The following DLC1 variants were observed in gnomAD, a reference collection of about 807,000 sequenced individuals.
DLC1 encodes DLC1 Rho GTPase activating protein.
A neutral mutation model predicts 140.3 loss-of-function variants in DLC1; 54 were observed. That is an observed-to-expected ratio of 0.38 (90% CI 0.31 to 0.48). The LOEUF (loss-of-function observed/expected upper bound fraction) is 0.48. DLC1 is among the 20% of genes least tolerant of loss of function. The probability of loss-of-function intolerance (pLI) is 0.96; values close to 1 mark genes in which losing one functional copy is unlikely to be tolerated. For missense variants in DLC1, 2,536 were observed against 1,907.0 expected (o/e 1.33, Z -6.14); for synonymous variants, 986 against 728.1 (o/e 1.35, Z -5.70).
At chr8:13,462,985 T>C (rs1799741967) in intron 2 of DLC1, among the ~76,000 whole-genome samples, 1 of 152,160 alleles carries the variant, frequency 6.6e-6, no homozygotes, top group Non-Finnish European at 1.5e-5. Flanking sequence ...GTAACTGGCC[T>C]TAAAACTTTG....
intron 2 of DLC1, among the ~76,000 whole-genome samples, chr8:13,471,325 A>G (rs917776236): frequency 6.6e-6 from 1 of 152,062 alleles, no homozygotes; most frequent in African/African-American, 2.4e-5. Context: ...AAAAAAAGAG[A>G]AAATGGTAAC....
intron 1 of DLC1, among the ~76,000 whole-genome samples, chr8:13,598,149 A>G (rs1805743628): frequency 6.6e-6 from 1 of 152,166 alleles, no homozygotes; most frequent in Admixed American, 6.6e-5. Context: ...AAACAATTAA[A>G]ATTATTAAAA....
At chr8:13,490,217 C>T (rs143522456) in intron 2 of DLC1, among the ~76,000 whole-genome samples, 67 of 152,084 alleles carry the variant, frequency 4.4e-4, no homozygotes, top group African/African-American at 1.5e-3. Context: ...AGCTGCAAAC[C>T]CTTTTGAAGT....
chr8:13,591,903 G>A (rs1805527827), intron 1 of DLC1, among the ~76,000 whole-genome samples: 1 of 151,994 alleles, frequency 6.6e-6, no homozygotes, highest in South Asian at 2.1e-4. Flanking sequence ...AGAAACCTAT[G>A]GTTTTTTTGA....
chr8:13,461,432 G>C (rs1429831536), intron 2 of DLC1, among the ~76,000 whole-genome samples: 1 of 152,078 alleles, frequency 6.6e-6, no homozygotes, highest in East Asian at 1.9e-4. Flanking sequence ...GCCTCTCCCT[G>C]CCTGACCCCT....
At chr8:13,498,120 T>C (rs553184859) in intron 2 of DLC1, among the ~76,000 whole-genome samples, 1 of 152,306 alleles carries the variant, frequency 6.6e-6, no homozygotes, top group South Asian at 2.1e-4. Context: ...GGGGCAAGGA[T>C]ATATGTTTTA....
intron 2 of DLC1, among the ~76,000 whole-genome samples, chr8:13,429,001 C>G (rs1009335753): frequency 5.9e-5 from 9 of 152,166 alleles, no homozygotes; most frequent in Admixed American, 2.0e-4. Flanking sequence ...TCAGTGATCT[C>G]TAAGGTATTT....
At chr8:13,597,589 T>C (rs1419810993) in intron 1 of DLC1, among the ~76,000 whole-genome samples, 2 of 152,078 alleles carry the variant, frequency 1.3e-5, no homozygotes, top group Non-Finnish European at 2.9e-5. Flanking sequence ...TCATAGTGTG[T>C]TTTACATTGT....
chr8:13,378,807 T>G (rs1481888192), intron 4 of DLC1, among the ~76,000 whole-genome samples: 2 of 152,160 alleles, frequency 1.3e-5, no homozygotes, highest in African/African-American at 4.8e-5. Flanking sequence ...ATAGTTCATG[T>G]CCTAGTAATG....
chr8:13,352,696 T>TA (rs1188020408), intron 4 of DLC1, among the ~76,000 whole-genome samples: 1 of 152,182 alleles, frequency 6.6e-6, no homozygotes, highest in Non-Finnish European at 1.5e-5. Context: ...TTTTAAGGTA[T>TA]AAAAATAATA....
chr8:13,091,431 C>T lies in DLC1; in HGVS notation c.3742G>A (p.Val1248Ile), dbSNP rs138181048. 3.0e-5 allele frequency: 49 copies of T among 1,613,182 alleles called. No individual in the cohort carries two copies. The Admixed American group carries it at 3.2e-4, about 10-fold the overall frequency. ...CCCAAACTTTGTTTTCTTTGCATTA[C>T]CCTAGGTAGAAGAAATACAGGAGGG... Reference protein sequence around the residue: ...TLKRENSSPRVMQRKQSLGKP... With the variant: ...TLKRENSSPRIMQRKQSLGKP... Residue 1248 changes from valine to isoleucine, a missense_variant and splice_region_variant, in exon 14 of 18, where the codon GTA becomes ATA. By Grantham distance (29) the Val-to-Ile change is conservative. Transcript: ENST00000276297.
At chr8:13,216,792 T>C (rs1489705853) in intron 5 of DLC1, among the ~76,000 whole-genome samples, 1 of 152,150 alleles carries the variant, frequency 6.6e-6, no homozygotes, top group Non-Finnish European at 1.5e-5. Context: ...TAGACACTAG[T>C]AGTACCCCCA....
chr8:13,247,184 T>C lies in DLC1; in HGVS notation c.1348+58085A>G, dbSNP rs564327248. Among the ~76,000 whole-genome samples, 4 of 152,290 alleles carry C rather than the reference T, an allele frequency of 2.6e-5. No homozygotes were observed. In the South Asian group the frequency reaches 8.3e-4, roughly 32 times the overall value. ...TGAAATGATGGCAAGAATTCATTGG[T>C]TGGATGCCAAGTAAAAGTCAGTTCC... is the stretch of plus-strand genomic sequence containing the variant. On this transcript the variant is annotated intron_variant, in intron 5 of 17. Coordinates refer to ENST00000276297, the MANE Select transcript of DLC1 (RefSeq NM_182643.3).
intron 2 of DLC1, among the ~76,000 whole-genome samples, chr8:13,495,644 C>G (rs185784502): frequency 1.3e-5 from 2 of 152,236 alleles, no homozygotes; most frequent in African/African-American, 4.8e-5. Context: ...ACATATACTA[C>G]AAATGTAATC....
chr8:13,411,592 T>G (rs1220881605), intron 2 of DLC1, among the ~76,000 whole-genome samples: 1 of 152,198 alleles, frequency 6.6e-6, no homozygotes, highest in Non-Finnish European at 1.5e-5. Context: ...GTTACAAATG[T>G]ACTACTTTGG....
intron 5 of DLC1, among the ~76,000 whole-genome samples, chr8:13,216,808 G>T (rs528970098): frequency 1.8e-4 from 28 of 152,194 alleles, no homozygotes; most frequent in African/African-American, 6.7e-4. Flanking sequence ...CCCCAGCTGT[G>T]ATAATCAAAA....
rs77001903 is a variant in DLC1, at chr8:13,571,861, C to G, written c.-126+32676G>C. On this transcript the variant is annotated intron_variant, in intron 1 of 1. Transcript: ENST00000631382. ...GATTCGGATTTTTTCACGTCCTTGC[C>G]AACACTTTTTATTTTCCCCTTCAAA... is the stretch of plus-strand genomic sequence containing the variant. Among the ~76,000 whole-genome samples the G allele has an allele frequency of 2.6e-5, 4 of 152,070 alleles. No homozygotes were observed. In the East Asian group the frequency reaches 7.7e-4, roughly 29 times the overall value.
intron 4 of DLC1, among the ~76,000 whole-genome samples, chr8:13,309,929 T>A (rs902271685): frequency 6.6e-6 from 1 of 152,230 alleles, no homozygotes; most frequent in Admixed American, 6.5e-5. Context: ...TTTAGGAATA[T>A]GTTTTTCTAT....
Position 13,581,708 on chromosome 8 carries a change from A to G in DLC1, c.-126+22829T>C, listed in dbSNP as rs182352979. Among the ~76,000 whole-genome samples, 7 of 152,322 alleles carry G rather than the reference A, an allele frequency of 4.6e-5. 1 individual carries two copies. Among genetic ancestry groups the G allele is most frequent in the African/African-American group, 1.7e-4 (7 of 41,570 alleles). On this transcript the variant is annotated intron_variant, in intron 1 of 1. Transcript: ENST00000631382. ...GGGTAATCTTTCAAAGATGTGCATCAGATTACTGGGCAGAATCTATTCTAT... is the reference window on the plus strand; with the variant it reads ...GGGTAATCTTTCAAAGATGTGCATCGGATTACTGGGCAGAATCTATTCTAT...
Sources: gnomAD v4.1 joint callset for allele counts (sites outside exome capture counted in the v4.1 genomes callset) on GRCh38, gnomAD v4.1.1 for gene constraint, MANE v1.5 for transcripts, NCBI Gene and HGNC (gene_info 2026-07-23, HGNC 2026-07-21) for gene names.